Variants in TENM4 observed in about 807,000 individuals in gnomAD.
TENM4 encodes the protein teneurin transmembrane protein 4.
Under a neutral mutation model 243.3 loss-of-function variants are expected in TENM4, and 82 were observed. That is an observed-to-expected ratio of 0.34 (90% CI 0.28 to 0.40). The LOEUF is 0.40. Among genes scored for constraint, TENM4 ranks in the 10% least tolerant of loss-of-function variants. TENM4 has a pLI of 1.00. For synonymous variants in TENM4, 1,412 were observed against 1,456.3 expected, an observed-to-expected ratio of 0.97 and a Z score of 0.69; for missense variants, 3,138 against 3,673.3, an observed-to-expected ratio of 0.85 and a Z score of 3.77.
chr11:79,210,371 G>A (rs1863933621), intron 3 of TENM4, among the ~76,000 whole-genome samples: 2 of 152,348 alleles, frequency 1.3e-5, no homozygotes, highest in Non-Finnish European at 2.9e-5. Context: ...CATGGGAACT[G>A]TCATGATAGA....
chr11:79,007,425 C>A (rs1163789516), intron 6 of TENM4, among the ~76,000 whole-genome samples: 1 of 152,112 alleles, frequency 6.6e-6, no homozygotes, highest in African/African-American at 2.4e-5. Flanking sequence ...TGACTGGGGG[C>A]TAAGCAGGGT....
chr11:79,103,386 G>GTAAGCAT (rs527380545), intron 4 of TENM4, among the ~76,000 whole-genome samples: 1 of 152,196 alleles, frequency 6.6e-6, no homozygotes, highest in Non-Finnish European at 1.5e-5. Context: ...GGGCCATGTT[G>GTAAGCAT]TAAGCATTTC....
intron 2 of TENM4, among the ~76,000 whole-genome samples, chr11:79,248,277 A>G (rs796381958): frequency 3.9e-5 from 6 of 152,198 alleles, no homozygotes; most frequent in Non-Finnish European, 7.3e-5. Context: ...AATGGCCTAC[A>G]TGATTCAGGA....
At chr11:78,907,040 A>G (rs634769) in intron 6 of TENM4, among the ~76,000 whole-genome samples, 37,556 of 152,018 alleles carry the variant, frequency 0.25, 4,841 homozygotes, top group Middle Eastern at 0.32. Flanking sequence ...CCAGAGTTGC[A>G]GAGGCTTGAG....
intron 1 of TENM4, among the ~76,000 whole-genome samples, chr11:79,407,564 C>T (rs903389148): frequency 2.0e-5 from 3 of 152,138 alleles, no homozygotes; most frequent in African/African-American, 4.8e-5. Context: ...TAATAAGTAG[C>T]GAGACCTAGA....
chr11:79,167,049 A>T (rs1862929580), intron 3 of TENM4, among the ~76,000 whole-genome samples: 1 of 152,234 alleles, frequency 6.6e-6, no homozygotes, highest in Non-Finnish European at 1.5e-5. Flanking sequence ...AGAACATTTT[A>T]TTCACCCATT....
intron 20 of TENM4, among the ~76,000 whole-genome samples, chr11:78,734,984 A>G (rs554497281): frequency 1.3e-5 from 2 of 152,334 alleles, no homozygotes; most frequent in South Asian, 4.1e-4. Flanking sequence ...GAGAGACCTC[A>G]ATGCAGGATC....
intron 2 of TENM4, among the ~76,000 whole-genome samples, chr11:79,273,825 TA>T (rs1421298756): frequency 1.6e-4 from 24 of 152,174 alleles, no homozygotes; most frequent in African/African-American, 4.8e-4. Flanking sequence ...GCCCTGAGCT[TA>T]TTAGATTTAA....
At chr11:78,785,278 A>G (rs1427100345) in intron 16 of TENM4, among the ~76,000 whole-genome samples, 1 of 152,126 alleles carries the variant, frequency 6.6e-6, no homozygotes, top group Non-Finnish European at 1.5e-5. Context: ...ATCAAGGTGC[A>G]CACAGTAACA....
chr11:79,428,182 T>C (rs942601263), intron 1 of TENM4, among the ~76,000 whole-genome samples: 2 of 152,174 alleles, frequency 1.3e-5, no homozygotes, highest in Non-Finnish European at 2.9e-5. Context: ...AATCAGAACT[T>C]GCATTTCAAT....
chr11:79,189,285 C>T (rs1301480342), intron 3 of TENM4, among the ~76,000 whole-genome samples: 2 of 152,182 alleles, frequency 1.3e-5, no homozygotes, highest in African/African-American at 4.8e-5. Flanking sequence ...AGGTATTTGG[C>T]AAATACAAGA....
chr11:78,961,048 A>G (rs528642413), intron 6 of TENM4, among the ~76,000 whole-genome samples: 1 of 152,376 alleles, frequency 6.6e-6, no homozygotes, highest in South Asian at 2.1e-4. Context: ...TCCCACAGCA[A>G]TAAAGCTTGT....
At chr11:79,218,234 A>G (rs867837081) in intron 2 of TENM4, among the ~76,000 whole-genome samples, 84 of 96,402 alleles carry the variant, frequency 8.7e-4, no homozygotes, top group Non-Finnish European at 1.2e-3. Flanking sequence ...CCCCCTGCCC[A>G]CCCACCCCCG....
chr11:79,018,719 T>C (rs922836666), intron 6 of TENM4, among the ~76,000 whole-genome samples: 1 of 152,198 alleles, frequency 6.6e-6, no homozygotes, highest in Non-Finnish European at 1.5e-5. Context: ...GCATTGTGAT[T>C]TGAGCCAGGC....
At chr11:79,315,064 T>C (rs1590873344) in intron 1 of TENM4, among the ~76,000 whole-genome samples, 1 of 152,180 alleles carries the variant, frequency 6.6e-6, no homozygotes, top group East Asian at 1.9e-4. Context: ...AAGGCACAGA[T>C]AACGCCTTGT....
At chr11:78,876,031 G>A (rs554238959) in intron 9 of TENM4, among the ~76,000 whole-genome samples, 1 of 152,290 alleles carries the variant, frequency 6.6e-6, no homozygotes, top group African/African-American at 2.4e-5. Context: ...AGGCAGCACG[G>A]TCTGCATAGG....
intron 15 of TENM4, among the ~76,000 whole-genome samples, chr11:78,788,308 T>C (rs1210551582): frequency 6.6e-6 from 1 of 152,258 alleles, no homozygotes; most frequent in Non-Finnish European, 1.5e-5. Context: ...CCCATGTATG[T>C]TGTGTTCCTG....
intron 9 of TENM4, among the ~76,000 whole-genome samples, chr11:78,877,666 A>G (rs1859303073): frequency 1.3e-5 from 2 of 151,822 alleles, no homozygotes; most frequent in Non-Finnish European, 2.9e-5. Context: ...AGGGCCTCCA[A>G]CCCCTAGGAG....
chr11:79,375,444 C>T (rs1857872700), intron 1 of TENM4, among the ~76,000 whole-genome samples: 1 of 152,114 alleles, frequency 6.6e-6, no homozygotes, highest in Non-Finnish European at 1.5e-5. Flanking sequence ...GCTCTTTATC[C>T]TTTTTCCATT....
Sources: allele counts gnomAD v4.1 joint callset (sites outside exome capture counted in the v4.1 genomes callset), GRCh38; gene constraint gnomAD v4.1.1; transcripts MANE v1.5; gene names NCBI Gene and HGNC (gene_info 2026-07-23, HGNC 2026-07-21).